Variants in TENM3 observed in about 807,000 individuals in gnomAD.
TENM3 encodes teneurin-3.
A neutral mutation model predicts 255.1 loss-of-function variants in TENM3; 63 were observed. The observed-to-expected ratio is 0.25, with a 90% CI of 0.20 to 0.30. The LOEUF (loss-of-function observed/expected upper bound fraction) is 0.30. Ranked by LOEUF, TENM3 falls within the 10% of genes least tolerant of loss-of-function variation. The pLI, the probability that TENM3 is intolerant of heterozygous loss-of-function variation, is 1.00. For synonymous variants in TENM3, 1,306 were observed against 1,322.3 expected (o/e 0.99, Z 0.27); for missense variants, 2,929 against 3,461.1 (o/e 0.85, Z 3.86).
the TENM3 span, among the ~76,000 whole-genome samples, chr4:181,656,694 T>C: frequency 5.3e-5 from 8 of 152,072 alleles, no homozygotes; most frequent in East Asian, 5.8e-4. Flanking sequence ...CTGAGGACAA[T>C]GTAAAAATAG....
intron 3 of TENM3, among the ~76,000 whole-genome samples, chr4:182,355,603 A>T (rs1765469763): frequency 6.6e-6 from 1 of 152,186 alleles, no homozygotes. Flanking sequence ...ACTTGGAAGC[A>T]AATTGGCCAG....
In TENM3 at chr4:182,433,499, A is replaced by G. The variant is rs74355058; in HGVS notation, c.511+86570A>G. On this transcript the variant is annotated intron_variant, in intron 3 of 27. Transcript: ENST00000511685. ...ACAAAGAAAGAAGGAGACAGAAGAA[A>G]GGGAGGACGAGAGGAAGGGCAGCTA... Among the ~76,000 whole-genome samples, 615 of 152,322 alleles carry G rather than the reference A, an allele frequency of 4.0e-3. 4 individuals carry two copies. The highest frequency in any genetic ancestry group is 0.014 in the African/African-American group (594 of 41,582).
At chr4:182,693,655 T>C (rs1009099323) in intron 12 of TENM3, among the ~76,000 whole-genome samples, 6 of 152,206 alleles carry the variant, frequency 3.9e-5, no homozygotes, top group African/African-American at 7.2e-5. Flanking sequence ...GTAAAATGGC[T>C]ATAATAGTAC....
the TENM3 span, among the ~76,000 whole-genome samples, chr4:181,726,626 T>G: frequency 6.6e-6 from 1 of 152,226 alleles, no homozygotes; most frequent in Non-Finnish European, 1.5e-5. Flanking sequence ...AGAATACTTC[T>G]GTGACCAAAT....
the TENM3 span, among the ~76,000 whole-genome samples, chr4:181,589,064 T>C: frequency 6.6e-6 from 1 of 151,944 alleles, no homozygotes; most frequent in Non-Finnish European, 1.5e-5. Flanking sequence ...GATTAAACAC[T>C]GAAACAGACT....
the TENM3 span, among the ~76,000 whole-genome samples, chr4:181,935,421 C>T: frequency 6.6e-6 from 1 of 152,228 alleles, no homozygotes; most frequent in Non-Finnish European, 1.5e-5. Context: ...TTTGCAGAAA[C>T]TCTCATTCCT....
chr4:182,583,251 C>G (rs1012236324), intron 3 of TENM3, among the ~76,000 whole-genome samples: 1 of 151,320 alleles, frequency 6.6e-6, no homozygotes, highest in Non-Finnish European at 1.5e-5. Flanking sequence ...TTTATCTTGT[C>G]TAGATTTATA....
chr4:181,891,417 C>G, the TENM3 span, among the ~76,000 whole-genome samples: 2 of 152,188 alleles, frequency 1.3e-5, no homozygotes, highest in Non-Finnish European at 2.9e-5. Flanking sequence ...CACTCAGCAC[C>G]TGCCATCTCT....
intron 1 of TENM3, among the ~76,000 whole-genome samples, chr4:182,235,328 T>C (rs1756827236): frequency 6.6e-6 from 1 of 152,190 alleles, no homozygotes; most frequent in Admixed American, 6.5e-5. Context: ...TATCTCAAAA[T>C]ATATGTGGTT....
intron 19 of TENM3, among the ~76,000 whole-genome samples, chr4:182,749,948 A>T (rs1352096323): frequency 6.6e-6 from 1 of 150,770 alleles, no homozygotes; most frequent in Non-Finnish European, 1.5e-5. Context: ...TACCTGAAAG[A>T]CCAGCTGTGT....
chr4:182,731,697 GTGTGTGTGTGTGT>G (rs1760736389), intron 16 of TENM3, among the ~76,000 whole-genome samples: 1 of 76,510 alleles, frequency 1.3e-5, no homozygotes, highest in African/African-American at 3.8e-5. Flanking sequence ...GTGTTGGGGT[GTGTGTGTGTGTGT>G]GTGTGTGTGT....
the TENM3 span, among the ~76,000 whole-genome samples, chr4:182,048,811 T>TTA: frequency 6.6e-6 from 1 of 152,176 alleles, no homozygotes; most frequent in African/African-American, 2.4e-5. Flanking sequence ...ACTGCCTGCC[T>TTA]GTTGCAACAC....
At chr4:182,046,448 A>C in the TENM3 span, among the ~76,000 whole-genome samples, 4 of 151,986 alleles carry the variant, frequency 2.6e-5, no homozygotes, top group Non-Finnish European at 5.9e-5. Context: ...CAAGCATGGT[A>C]ATCCCAGCAC....
At chr4:182,254,333 C>T (rs1235668321) in intron 1 of TENM3, among the ~76,000 whole-genome samples, 2 of 146,400 alleles carry the variant, frequency 1.4e-5, no homozygotes, top group East Asian at 2.0e-4. Flanking sequence ...TTCTCTCTCT[C>T]TTTTTTTTTT....
the TENM3 span, among the ~76,000 whole-genome samples, chr4:181,673,655 G>A: frequency 6.6e-6 from 1 of 152,054 alleles, no homozygotes. Context: ...TTACCACTAA[G>A]AACAACTTTT....
At chr4:181,504,512 A>G in the TENM3 span, among the ~76,000 whole-genome samples, 1 of 152,096 alleles carries the variant, frequency 6.6e-6, no homozygotes, top group African/African-American at 2.4e-5. Context: ...ATTTTCTCCT[A>G]TTGTCTCCTC....
the TENM3 span, among the ~76,000 whole-genome samples, chr4:182,076,286 C>T: frequency 6.6e-6 from 1 of 150,784 alleles, no homozygotes; most frequent in African/African-American, 2.4e-5. Flanking sequence ...CTCACTGCAA[C>T]CTCCGCCTCC....
intron 3 of TENM3, among the ~76,000 whole-genome samples, chr4:182,492,822 A>G (rs1206212672): frequency 3.3e-5 from 5 of 152,182 alleles, no homozygotes; most frequent in Non-Finnish European, 7.3e-5. Context: ...TACTGGTTTC[A>G]TCACTTGATA....
intron 1 of TENM3, among the ~76,000 whole-genome samples, chr4:182,214,998 A>C (rs557156339): frequency 6.6e-6 from 1 of 152,210 alleles, no homozygotes; most frequent in Non-Finnish European, 1.5e-5. Flanking sequence ...ATGAAATTCC[A>C]GTTAGAGATA....
Sources: allele counts gnomAD v4.1 joint callset (sites outside exome capture counted in the v4.1 genomes callset), GRCh38; gene constraint gnomAD v4.1.1; transcripts MANE v1.5; gene names NCBI Gene and HGNC (gene_info 2026-07-23, HGNC 2026-07-21).